The following KAZN variants were observed in gnomAD, a reference collection of about 807,000 sequenced individuals.
The protein encoded by KAZN is kazrin, periplakin interacting protein, also known as kazrin.
In KAZN, 40 loss-of-function variants were observed where a neutral mutation model predicts 87.4. The ratio of observed to expected loss-of-function variants is 0.46; its 90% CI spans 0.36 to 0.60. KAZN has a LOEUF of 0.60. KAZN is among the 20% of genes least tolerant of loss of function. KAZN has a pLI of 0.00. For missense variants in KAZN, 898 were observed against 1,073.9 expected (o/e 0.84, Z 2.29); for synonymous variants, 466 against 458.3 (o/e 1.02, Z -0.22).
intron 2 of KAZN, among the ~76,000 whole-genome samples, chr1:14,426,300 C>A (rs1665722451): frequency 1.3e-5 from 2 of 152,230 alleles, no homozygotes; most frequent in African/African-American, 4.8e-5. Context: ...CCACTCACCC[C>A]ACATTCACTC....
At chr1:14,385,897 G>A (rs1302606191) in intron 2 of KAZN, among the ~76,000 whole-genome samples, 42 of 147,976 alleles carry the variant, frequency 2.8e-4, no homozygotes, top group African/African-American at 8.8e-4. Context: ...TGATCTGTCT[G>A]ATGTTGACAG....
chr1:14,694,201 T>TG lies in KAZN; in HGVS notation c.226+94979dup, dbSNP rs1417508156. ...GACAGTCGGCTTCAGCCTTCTCAGC[T>TG]GACCCCTCCACCTCATCAGCTCTGA... On this transcript the variant is annotated intron_variant, in intron 1 of 14. Transcript: ENST00000376030. Among the ~76,000 whole-genome samples the TG allele has an allele frequency of 2.6e-5, 4 of 152,344 alleles. No individual in the cohort carries two copies. In the East Asian group the frequency reaches 7.7e-4, roughly 29 times the overall value.
chr1:14,949,272 A>G lies in KAZN; in HGVS notation c.227-11412A>G, dbSNP rs1226902600. Among the ~76,000 whole-genome samples the G allele has an allele frequency of 6.6e-6, 1 of 152,052 alleles. No individual in the cohort carries two copies. Among genetic ancestry groups the G allele is most frequent in the Non-Finnish European group, 1.5e-5 (1 of 68,016 alleles). The stretch of plus-strand genomic sequence containing the variant: ...CATTCCTTTATTAAAACAACAGTTA[A>G]TAAATACTAACTTAAAAACAAAAAA... On this transcript the variant is annotated intron_variant, in intron 1 of 14. Coordinates refer to ENST00000376030, the MANE Select transcript of KAZN (RefSeq NM_201628.3). This position sits in a 1 kb window ranked among gnomAD's most constrained non-coding sequence, Gnocchi z 4.3.
rs12130982 is a variant in KAZN at position 14,673,563 on chromosome 1, C to T, written c.226+74340C>T. 4.7e-3 allele frequency among the ~76,000 whole-genome samples: 715 copies of T among 152,252 alleles called. 2 individuals carry two copies. The highest frequency in any genetic ancestry group is 7.3e-3 in the Non-Finnish European group (494 of 68,020). ...TCGAGATCATCAGGGCCAGCCCCTG[C>T]ATTTCACAGTAGGAGCAGCTGGAGA... On this transcript the variant is annotated intron_variant, in intron 1 of 14. Coordinates refer to ENST00000376030, the MANE Select transcript of KAZN (RefSeq NM_201628.3).
chr1:15,052,186 T>A (rs2100448648), intron 4 of KAZN, among the ~76,000 whole-genome samples: 1 of 152,106 alleles, frequency 6.6e-6, no homozygotes, highest in East Asian at 1.9e-4. Flanking sequence ...CTTCTCATGC[T>A]GCTGATAAAG....
intron 2 of KAZN, among the ~76,000 whole-genome samples, chr1:14,433,717 A>C (rs1228731401): frequency 3.3e-5 from 5 of 152,146 alleles, no homozygotes; most frequent in Admixed American, 2.0e-4. Flanking sequence ...AAACTTAGCC[A>C]GGTATGGTGG....
At chr1:14,338,488 G>GAAAAGA (rs1657437798) in intron 2 of KAZN, among the ~76,000 whole-genome samples, 1 of 81,598 alleles carries the variant, frequency 1.2e-5, no homozygotes, top group Non-Finnish European at 2.5e-5. Context: ...CCATCTTAGA[G>GAAAAGA]AAAAAAAAAA....
intron 2 of KAZN, among the ~76,000 whole-genome samples, chr1:14,432,033 T>C (rs568673181): frequency 2.0e-5 from 3 of 152,154 alleles, no homozygotes; most frequent in Non-Finnish European, 2.9e-5. Flanking sequence ...CCAAACATGG[T>C]GTGAAGAGTA....
chr1:14,763,238 G>A (rs1284622843), intron 1 of KAZN, among the ~76,000 whole-genome samples: 1 of 152,242 alleles, frequency 6.6e-6, no homozygotes, highest in South Asian at 2.1e-4. Context: ...GACAGCAGTC[G>A]TACCATACAG....
chr1:14,325,674 A>G (rs576376475), intron 2 of KAZN, among the ~76,000 whole-genome samples: 1 of 152,360 alleles, frequency 6.6e-6, no homozygotes, highest in African/African-American at 2.4e-5. Flanking sequence ...GGATTTCAAT[A>G]AAAGATCTAA....
rs58010755 is a variant in KAZN, at chr1:14,610,681, A to AT, written c.226+11472dup. On this transcript the variant is annotated intron_variant, in intron 1 of 14. Coordinates refer to ENST00000376030, the MANE Select transcript of KAZN (RefSeq NM_201628.3). ...TCTGACAATGGCTCCCCTGTGGAGA[A>AT]TTTTTTTTTTTTTTGTACTCTATAC... is the stretch of plus-strand genomic sequence containing the variant. 7.9e-3 allele frequency among the ~76,000 whole-genome samples: 1,143 copies of AT among 144,864 alleles called. 14 individuals are homozygous for AT. The highest frequency in any genetic ancestry group is 0.02 in the African/African-American group (783 of 39,700).
intron 1 of KAZN, among the ~76,000 whole-genome samples, chr1:14,915,450 G>T (rs1375256082): frequency 5.3e-5 from 8 of 152,144 alleles, no homozygotes; most frequent in Non-Finnish European, 1.0e-4. Context: ...GAGACACAGA[G>T]TCTGAAAATT....
At chr1:14,610,501 G>C (rs1446394163) in intron 1 of KAZN, among the ~76,000 whole-genome samples, 2 of 152,112 alleles carry the variant, frequency 1.3e-5, no homozygotes, top group African/African-American at 2.4e-5. Flanking sequence ...GGGATTACAG[G>C]CGTGAGCCAC....
intron 1 of KAZN, among the ~76,000 whole-genome samples, chr1:14,823,965 T>G (rs1331243952): frequency 6.6e-6 from 1 of 151,788 alleles, no homozygotes; most frequent in Non-Finnish European, 1.5e-5. Flanking sequence ...AACACAAAAA[T>G]TAGCCGGGCA....
intron 2 of KAZN, among the ~76,000 whole-genome samples, chr1:14,985,305 G>GGCCA (rs780872037): frequency 1.4e-3 from 197 of 142,510 alleles, no homozygotes; most frequent in Admixed American, 2.2e-3. Context: ...CAAGGTGGGA[G>GGCCA]AATCACATGA....
chr1:14,549,383 T>C (rs1177196831), intron 2 of KAZN, among the ~76,000 whole-genome samples: 1 of 152,202 alleles, frequency 6.6e-6, no homozygotes, highest in Non-Finnish European at 1.5e-5. Flanking sequence ...CAATGGAATC[T>C]AGGTTTAAGT....
In KAZN at chr1:14,833,577, C is replaced by G. The variant is rs74650984; in HGVS notation, c.227-127107C>G. 2.2e-4 allele frequency among the ~76,000 whole-genome samples: 33 copies of G among 152,324 alleles called. No homozygotes were observed. The East Asian group carries it at 2.3e-3, about 11-fold the overall frequency. ...AGTAGGGTATCCGTCCTCTACCCCCCCCAGGCCCTCATCATAAGCATATGG... is the reference window on the plus strand; with the variant it reads ...AGTAGGGTATCCGTCCTCTACCCCCGCCAGGCCCTCATCATAAGCATATGG... On this transcript the variant is annotated intron_variant, in intron 1 of 14. Transcript: ENST00000376030.
intron 2 of KAZN, among the ~76,000 whole-genome samples, chr1:14,553,948 G>A (rs1450454362): frequency 6.6e-6 from 1 of 152,078 alleles, no homozygotes; most frequent in Non-Finnish European, 1.5e-5. Flanking sequence ...TGTAACCAAG[G>A]GTGACACCAC....
At chr1:14,863,969 C>G (rs1349815856) in intron 1 of KAZN, among the ~76,000 whole-genome samples, 1 of 152,150 alleles carries the variant, frequency 6.6e-6, no homozygotes, top group East Asian at 1.9e-4. Context: ...TTCATGCATT[C>G]ATTCCTTCAC....
Sources: allele counts gnomAD v4.1 joint callset (sites outside exome capture counted in the v4.1 genomes callset), GRCh38; gene constraint gnomAD v4.1.1; non-coding constraint Gnocchi (gnomAD v3.1); transcripts MANE v1.5; gene names NCBI Gene and HGNC (gene_info 2026-07-23, HGNC 2026-07-21).